Variants in SEC23B observed in about 807,000 individuals in gnomAD.
SEC23B encodes protein transport protein Sec23B.
SEC23B carries 77 observed loss-of-function variants against 104.3 expected under a neutral mutation model. That is an observed-to-expected ratio of 0.74 (90% CI 0.61 to 0.89). SEC23B has a LOEUF of 0.89. SEC23B is among the 40% of genes least tolerant of loss of function. SEC23B has a pLI of 0.00. For synonymous variants in SEC23B, 338 were observed against 332.5 expected (o/e 1.02, Z -0.18); for missense variants, 885 against 949.4 (o/e 0.93, Z 0.89).
At chr20:18,538,447 GT>G (rs2060257141) in intron 12 of SEC23B, among the ~76,000 whole-genome samples, 1 of 151,768 alleles carries the variant, frequency 6.6e-6, no homozygotes, top group Non-Finnish European at 1.5e-5. Context: ...TAGAGACGGG[GT>G]TTCACCCTGT....
Position 18,532,732 on chromosome 20 carries a change from T to C in SEC23B, c.1302T>C (p.Cys434=). 1 of 1,613,210 alleles carries C rather than the reference T, an allele frequency of 6.2e-7. No homozygotes were observed. ...PCVSLNVKGP[C]VSENELGVGG... is the part of the protein sequence containing the mutation. ...TATCTCTGAATGTGAAAGGACCGTG[T>C]GTGTCAGAAAATGTAAGGAAAACAA... The change falls in exon 11 of 20, where the codon TGT becomes TGC. Residue 434 remains cysteine (C), a synonymous_variant. Transcript: ENST00000650089.
At chr20:18,517,198 C>G (rs2060037312) in intron 4 of SEC23B, among the ~76,000 whole-genome samples, 2 of 152,306 alleles carry the variant, frequency 1.3e-5, no homozygotes, top group South Asian at 4.1e-4. Flanking sequence ...CACCTGGGTG[C>G]AGGCAGGCTG....
chr20:18,549,867 G>A (rs1246360062), intron 16 of SEC23B, among the ~76,000 whole-genome samples: 1 of 151,788 alleles, frequency 6.6e-6, no homozygotes, highest in Admixed American at 6.6e-5. Flanking sequence ...CCAGCTACTT[G>A]GGAGGCTGAG....
rs1267246506 is a variant in SEC23B, at chr20:18,525,798, C to G, written c.700C>G (p.Pro234Ala). 2 of 1,614,050 alleles carry G rather than the reference C, an allele frequency of 1.2e-6. No individual in the cohort carries two copies. The highest frequency in any genetic ancestry group is 1.1e-5 in the South Asian group (1 of 91,090). ...HPFASSRFLQ[P>A]VHKIDMNLTD... ...GTTAAAATCTTGCAGATTTCTGCAGCCTGTTCACAAGATTGATATGAACCT... is the reference window on the plus strand; with the variant it reads ...GTTAAAATCTTGCAGATTTCTGCAGGCTGTTCACAAGATTGATATGAACCT... Residue 234 changes from proline (P) to alanine (A), a missense_variant, in exon 7 of 20, where the codon CCT (proline) becomes GCT (alanine). Pro to Ala is a conservative substitution (Grantham distance 27, BLOSUM62 -1). Transcript: ENST00000650089.
Position 18,543,044 on chromosome 20 carries a change from A to T in SEC23B, c.1537A>T (p.Arg513Trp), listed in dbSNP as rs768977189. ...RNWADVQSQL[R>W]HIEAAFDQEA... ...TTGGGCAGATGTACAGAGTCAGCTC[A>T]GGCACATAGAAGCAGCATTTGACCA... The change falls in exon 14 of 20, where the codon AGG becomes TGG. Residue 513 changes from arginine to tryptophan, a missense_variant. Physicochemically the swap from Arg to Trp is moderately radical, Grantham distance 101. Transcript: ENST00000650089. 11 of 1,614,120 alleles carry T rather than the reference A, an allele frequency of 6.8e-6. No individual in the cohort carries two copies. The highest frequency in any genetic ancestry group is 9.3e-6 in the Non-Finnish European group (11 of 1,180,046).
At chr20:18,526,310 A>G (rs921333800) in intron 7 of SEC23B, 63 bp from the exon 8 acceptor site, 1 of 1,572,098 alleles carries the variant, frequency 6.4e-7, no homozygotes, top group African/African-American at 1.4e-5. Context: ...TCTATTGGGA[A>G]ACTGAAACCA....
chr20:18,544,010 C>T (rs1189180534), intron 14 of SEC23B, among the ~76,000 whole-genome samples: 1 of 152,172 alleles, frequency 6.6e-6, no homozygotes, highest in African/African-American at 2.4e-5. Flanking sequence ...AGCACTCGGG[C>T]GCCCAAAGCT....
chr20:18,521,410 C>T (rs1031908702), intron 4 of SEC23B, among the ~76,000 whole-genome samples: 3 of 152,060 alleles, frequency 2.0e-5, no homozygotes, highest in Non-Finnish European at 4.4e-5. Context: ...TTTTGCCAAA[C>T]GGGCCATTAA....
At position 18,515,637 on chromosome 20, in the gene SEC23B, T is replaced by G. The variant is rs1472236558; in HGVS notation, c.280-13T>G. On this transcript the variant is annotated splice_polypyrimidine_tract_variant and intron_variant, in intron 3 of 19. Coordinates refer to ENST00000650089, the MANE Select transcript of SEC23B (RefSeq NM_006363.6). ...TTATGCCAACCCTAATAAAACTGTT[T>G]CCTTCTTTTCAGTTTCCTCCAGCTT... The G allele has an allele frequency of 3.3e-6, 5 of 1,537,506 alleles. No individual in the cohort carries two copies. Among genetic ancestry groups the G allele is most frequent in the Non-Finnish European group, 4.5e-6 (5 of 1,110,276 alleles).
intron 11 of SEC23B, among the ~76,000 whole-genome samples, chr20:18,534,729 A>G (rs964958351): frequency 6.6e-6 from 1 of 152,246 alleles, no homozygotes; most frequent in African/African-American, 2.4e-5. Context: ...GGATTATAAA[A>G]TGGTCATTTC....
chr20:18,537,434 T>C (rs2060242941), intron 12 of SEC23B, among the ~76,000 whole-genome samples: 1 of 151,846 alleles, frequency 6.6e-6, no homozygotes, highest in Non-Finnish European at 1.5e-5. Context: ...GTTCATGTCC[T>C]TTGTAGGGAC....
intron 9 of SEC23B, among the ~76,000 whole-genome samples, chr20:18,528,913 C>G (rs2060157745): frequency 6.6e-6 from 1 of 152,202 alleles, no homozygotes; most frequent in African/African-American, 2.4e-5. Context: ...GGGATGACTT[C>G]CAGCAAAGGC....
chr20:18,510,745 A>G (rs998345033), intron 1 of SEC23B, 77 bp from the exon 2 acceptor site: 2 of 1,118,606 alleles, frequency 1.8e-6, no homozygotes, highest in East Asian at 2.4e-5. Flanking sequence ...ACACTGTGTT[A>G]CATGACCCAT....
intron 19 of SEC23B, among the ~76,000 whole-genome samples, chr20:18,556,663 C>G (rs1354346474): frequency 3.3e-5 from 5 of 152,140 alleles, no homozygotes; most frequent in Admixed American, 6.5e-5. Flanking sequence ...GATTGCTGCT[C>G]TAGTCATTGT....
rs182928823 is a variant in SEC23B, at chr20:18,520,676, C to T, written c.367-3757C>T. Among the ~76,000 whole-genome samples, 388 of 151,918 alleles carry T rather than the reference C, an allele frequency of 2.6e-3. 2 individuals carry two copies. Among genetic ancestry groups the T allele is most frequent in the African/African-American group, 8.6e-3 (356 of 41,426 alleles). On this transcript the variant is annotated intron_variant, in intron 4 of 19. Coordinates refer to ENST00000650089, the MANE Select transcript of SEC23B (RefSeq NM_006363.6). ...GTTTTAAGAGGTTTAGCAGCCTGGC[C>T]GTCAATACCCACAACGGTTATGGAG...
At chr20:18,510,300 G>A (rs1378742272) in intron 1 of SEC23B, among the ~76,000 whole-genome samples, 1 of 152,146 alleles carries the variant, frequency 6.6e-6, no homozygotes, top group African/African-American at 2.4e-5. Flanking sequence ...AGATGATCAG[G>A]TGATTGTAAA....
In SEC23B at chr20:18,527,486, C is replaced by A; in HGVS notation, c.994-10C>A. ...ACTGTTTCCTAAAGATAGCTTTCCT[C>A]TCTTCACAGCACTATGAGATGCTTG... On this transcript the variant is annotated splice_polypyrimidine_tract_variant and intron_variant, in intron 8 of 19. Coordinates refer to ENST00000650089, the MANE Select transcript of SEC23B (RefSeq NM_006363.6). The A allele has an allele frequency of 6.7e-7, 1 of 1,500,194 alleles. No individual in the cohort carries two copies. The highest frequency in any genetic ancestry group is 9.3e-7 in the Non-Finnish European group (1 of 1,075,988). The allele number at this position is 1,500,194 out of a possible 1,614,324, so 92.9% of individuals were successfully genotyped here.
intron 16 of SEC23B, among the ~76,000 whole-genome samples, chr20:18,549,139 A>G (rs2060362302): frequency 6.6e-6 from 1 of 152,202 alleles, no homozygotes; most frequent in African/African-American, 2.4e-5. Context: ...TAGAGGATCA[A>G]ATAACAATCC....
At chr20:18,513,660 A>G (rs780440525) in intron 3 of SEC23B, among the ~76,000 whole-genome samples, 5 of 152,262 alleles carry the variant, frequency 3.3e-5, no homozygotes, top group Admixed American at 3.3e-4. Context: ...ATGACTGACC[A>G]TAGGTTCGGA....
Sources: allele counts gnomAD v4.1 joint callset (sites outside exome capture counted in the v4.1 genomes callset), GRCh38; gene constraint gnomAD v4.1.1; transcripts MANE v1.5; gene names NCBI Gene and HGNC (gene_info 2026-07-23, HGNC 2026-07-21).